USP48: variants seen among roughly 807,000 people sequenced by gnomAD.
The protein encoded by USP48 is ubiquitin carboxyl-terminal hydrolase 48.
In USP48, 43 loss-of-function variants were observed where a neutral mutation model predicts 150.7. That is an observed-to-expected ratio of 0.29 (90% CI 0.22 to 0.37). USP48 has a LOEUF of 0.37. Ranked by LOEUF, USP48 falls within the 10% of genes least tolerant of loss-of-function variation. The probability of loss-of-function intolerance (pLI) is 1.00; values close to 1 mark genes in which losing one functional copy is unlikely to be tolerated. For missense variants in USP48, 813 were observed against 1,249.6 expected, an observed-to-expected ratio of 0.65 and a Z score of 5.27; for synonymous variants, 396 against 425.9, an observed-to-expected ratio of 0.93 and a Z score of 0.86.
intron 21 of USP48, among the ~76,000 whole-genome samples, chr1:21,701,855 C>A (rs2097657904): frequency 6.6e-6 from 1 of 152,188 alleles, no homozygotes; most frequent in African/African-American, 2.4e-5. Context: ...GAGGTCTCTG[C>A]AGAGCAGTTA....
chr1:21,775,244 G>C (rs929908423), intron 1 of USP48, among the ~76,000 whole-genome samples: 5 of 151,800 alleles, frequency 3.3e-5, no homozygotes, highest in African/African-American at 1.2e-4. Context: ...ATGGGTCCTC[G>C]TTAGGGTTAT....
In USP48 at chr1:21,736,518, A is replaced by G. The variant is rs953338166; in HGVS notation, c.1099T>C (p.Tyr367His). The change falls in exon 9 of 27, where the codon TAT (tyrosine) becomes CAT (histidine). Residue 367 changes from tyrosine to histidine, a missense_variant. Coordinates refer to ENST00000308271, the MANE Select transcript of USP48 (RefSeq NM_032236.8). ...HVKDPQSGEW[Y>H]KFNDEDIEKM... is the part of the protein sequence containing the mutation. ...TCTATGTCTTCATCATTAAACTTAT[A>G]CCATTCACCAGACTGTGGATCTTTC... 1.2e-6 allele frequency: 2 copies of G among 1,604,240 alleles called. No homozygotes were observed. The highest frequency in any genetic ancestry group is 1.3e-5 in the African/African-American group (1 of 74,124).
intron 9 of USP48, among the ~76,000 whole-genome samples, chr1:21,730,244 C>T (rs904494855): frequency 6.6e-6 from 1 of 151,970 alleles, no homozygotes; most frequent in Admixed American, 6.6e-5. Flanking sequence ...AGTTCAAGAC[C>T]AGCCTGGCCA....
intron 15 of USP48, among the ~76,000 whole-genome samples, chr1:21,707,904 C>T (rs1245605264): frequency 6.6e-6 from 1 of 152,192 alleles, no homozygotes; most frequent in African/African-American, 2.4e-5. Flanking sequence ...AGGCTTGCTC[C>T]TGTAATCCCC....
At chr1:21,690,569 G>C (rs1305495024) in intron 23 of USP48, among the ~76,000 whole-genome samples, 1 of 151,844 alleles carries the variant, frequency 6.6e-6, no homozygotes, top group Non-Finnish European at 1.5e-5. Context: ...TGTCACCCAG[G>C]CTGGAGTGCA....
At chr1:21,749,422 C>T (rs1412698333) in intron 6 of USP48, among the ~76,000 whole-genome samples, 3 of 152,046 alleles carry the variant, frequency 2.0e-5, no homozygotes, top group Admixed American at 6.6e-5. Flanking sequence ...ACCTCTCAAA[C>T]GTAACATGCT....
rs1425612454 is a variant in USP48 at position 21,776,018 on chromosome 1, A to G, written c.134+6806T>C. On this transcript the variant is annotated intron_variant, in intron 1 of 26. Transcript: ENST00000308271. Reference sequence around the variant, plus strand: ...ACTAACACATTATGTTGGTGAGGGTATGATGTATATGTAAGATACTCTTAC... The same window carrying G: ...ACTAACACATTATGTTGGTGAGGGTGTGATGTATATGTAAGATACTCTTAC... Among the ~76,000 whole-genome samples, 5 of 152,334 alleles carry G rather than the reference A, an allele frequency of 3.3e-5. No homozygotes were observed. In the East Asian group the frequency reaches 9.6e-4, roughly 29 times the overall value.
At chr1:21,737,497 T>C (rs2097771293) in intron 8 of USP48, among the ~76,000 whole-genome samples, 1 of 152,144 alleles carries the variant, frequency 6.6e-6, no homozygotes, top group African/African-American at 2.4e-5. Context: ...ATCAAAATAT[T>C]GACAATAAAT....
At chr1:21,745,592 T>C (rs1205820239) in intron 8 of USP48, among the ~76,000 whole-genome samples, 3 of 152,172 alleles carry the variant, frequency 2.0e-5, no homozygotes, top group Non-Finnish European at 2.9e-5. Context: ...AAAAATACTA[T>C]ATTTAGTAAA....
intron 6 of USP48, among the ~76,000 whole-genome samples, chr1:21,750,112 CAG>C (rs764334395): frequency 2.0e-5 from 3 of 152,184 alleles, no homozygotes; most frequent in Non-Finnish European, 4.4e-5. Context: ...CAACCTCACA[CAG>C]AGTAAAAGTC....
chr1:21,704,723 AT>A (rs879929993), intron 19 of USP48: 2,068 of 164,552 alleles, frequency 0.013, no homozygotes, highest in South Asian at 0.029. Flanking sequence ...ATGTGCGTGC[AT>A]TTTTTTTTTT....
intron 14 of USP48, among the ~76,000 whole-genome samples, chr1:21,718,571 T>C (rs2097711292): frequency 6.6e-6 from 1 of 151,840 alleles, no homozygotes; most frequent in Non-Finnish European, 1.5e-5. Context: ...TTTCTTTTTT[T>C]TTTTTGAGAC....
chr1:21,683,743 T>C (rs1227779635), intron 25 of USP48, among the ~76,000 whole-genome samples: 1 of 151,220 alleles, frequency 6.6e-6, no homozygotes, highest in Non-Finnish European at 1.5e-5. Flanking sequence ...CCAGAACTTA[T>C]TCTTTCTATC....
rs118105453 is a variant in USP48, at chr1:21,745,474, C to T, written c.991+1593G>A. Reference sequence around the variant, plus strand: ...TGGTGGAATATGCCTGTAGTTCCAGCTTGAGCCCAGGAGGCTGAGTCCGTG... The same window carrying T: ...TGGTGGAATATGCCTGTAGTTCCAGTTTGAGCCCAGGAGGCTGAGTCCGTG... On this transcript the variant is annotated intron_variant, in intron 8 of 26. Coordinates refer to ENST00000308271, the MANE Select transcript of USP48 (RefSeq NM_032236.8). Among the ~76,000 whole-genome samples the T allele has an allele frequency of 1.3e-4, 20 of 152,146 alleles. No homozygotes were observed. In the East Asian group the frequency reaches 3.5e-3, roughly 26 times the overall value.
intron 1 of USP48, among the ~76,000 whole-genome samples, chr1:21,758,068 CT>C (rs1217894838): frequency 2.6e-5 from 4 of 152,148 alleles, no homozygotes; most frequent in African/African-American, 9.6e-5. Context: ...CAAAATCTCA[CT>C]CATAAGGTTA....
intron 25 of USP48, 162 bp downstream of exon 25, chr1:21,687,029 C>T (rs2097582079): frequency 1.5e-6 from 1 of 672,308 alleles, no homozygotes; most frequent in Non-Finnish European, 2.5e-6. Flanking sequence ...ATCTTTCCCT[C>T]CTTTCTATGA....
intron 14 of USP48, among the ~76,000 whole-genome samples, chr1:21,720,430 C>T (rs1377124199): frequency 1.3e-5 from 2 of 152,134 alleles, no homozygotes; most frequent in African/African-American, 4.8e-5. Flanking sequence ...TTTATTTGCT[C>T]TGAGCTACTT....
chr1:21,762,269 C>CA (rs762580178), intron 1 of USP48, among the ~76,000 whole-genome samples: 5,589 of 137,550 alleles, frequency 0.041, 353 homozygotes, highest in African/African-American at 0.14. Context: ...AGACTCGTCT[C>CA]AAAAAAAAAA....
chr1:21,731,456 G>T (rs1369733430), intron 9 of USP48, among the ~76,000 whole-genome samples: 1 of 151,356 alleles, frequency 6.6e-6, no homozygotes, highest in African/African-American at 2.4e-5. Context: ...TGGAGATGAG[G>T]ATTTACCACG....
Sources: allele counts gnomAD v4.1 joint callset (sites outside exome capture counted in the v4.1 genomes callset), GRCh38; gene constraint gnomAD v4.1.1; transcripts MANE v1.5; gene names NCBI Gene and HGNC (gene_info 2026-07-23, HGNC 2026-07-21).